RALYL: variants seen among roughly 807,000 people sequenced by gnomAD.
The protein encoded by RALYL is RNA-binding Raly-like protein.
Under a neutral mutation model 35.1 loss-of-function variants are expected in RALYL, and 29 were observed. That is an observed-to-expected ratio of 0.83 (90% CI 0.61 to 1.13). The LOEUF is 1.13. RALYL is among the 50% of genes most tolerant of loss of function. The pLI, the probability that RALYL is intolerant of heterozygous loss-of-function variation, is 0.00. For synonymous variants in RALYL, 120 were observed against 127.6 expected, an observed-to-expected ratio of 0.94 and a Z score of 0.40; for missense variants, 359 against 360.4, an observed-to-expected ratio of 1.00 and a Z score of 0.03.
chr8:84,428,106 T>TCTCTCACACACACA (rs1182382963), intron 1 of RALYL, among the ~76,000 whole-genome samples: 1 of 127,276 alleles, frequency 7.9e-6, no homozygotes, highest in Non-Finnish European at 1.7e-5. Flanking sequence ...TCTCTCTCTC[T>TCTCTCACACACACA]CACACACACA....
At chr8:84,340,285 AG>A (rs1272593991) in intron 1 of RALYL, among the ~76,000 whole-genome samples, 2 of 152,142 alleles carry the variant, frequency 1.3e-5, no homozygotes, top group South Asian at 2.1e-4. Context: ...ACTTAAAAAA[AG>A]TAGTAAGAAC....
At chr8:84,825,671 C>T (rs1027340127) in intron 4 of RALYL, among the ~76,000 whole-genome samples, 6 of 152,010 alleles carry the variant, frequency 3.9e-5, no homozygotes, top group African/African-American at 1.5e-4. Flanking sequence ...AGTTCAAGCC[C>T]AGCCTGGCTA....
chr8:84,629,203 T>A (rs2131214942), intron 2 of RALYL, among the ~76,000 whole-genome samples: 1 of 152,208 alleles, frequency 6.6e-6, no homozygotes, highest in Non-Finnish European at 1.5e-5. Flanking sequence ...CTGTCCTGCC[T>A]TATTGAATGT....
At chr8:84,865,711 C>T (rs2135121159) in intron 6 of RALYL, among the ~76,000 whole-genome samples, 1 of 152,014 alleles carries the variant, frequency 6.6e-6, no homozygotes, top group African/African-American at 2.4e-5. Flanking sequence ...AAAATTGATG[C>T]CCTCTGGAAA....
chr8:84,620,813 G>A (rs951386292), intron 2 of RALYL, among the ~76,000 whole-genome samples: 1 of 152,144 alleles, frequency 6.6e-6, no homozygotes, highest in African/African-American at 2.4e-5. Context: ...CCTTCTAACA[G>A]ACAGGACCCT....
Position 84,521,288 on chromosome 8 carries a change from T to C in RALYL, c.-23-8011T>C, listed in dbSNP as rs186279673. 2.7e-3 allele frequency among the ~76,000 whole-genome samples: 409 copies of C among 152,328 alleles called. 1 individual carries two copies. The highest frequency in any genetic ancestry group is 5.0e-3 in the Non-Finnish European group (340 of 68,028). On this transcript the variant is annotated intron_variant, in intron 1 of 8. Transcript: ENST00000521268. ...AGAGAGCTGTCACCAGAACCCAAAT[T>C]GGCTGTCAGCTTGATCTGGGACTTC...
At chr8:84,652,211 C>T (rs1211403047) in intron 2 of RALYL, among the ~76,000 whole-genome samples, 1 of 152,018 alleles carries the variant, frequency 6.6e-6, no homozygotes, top group Non-Finnish European at 1.5e-5. Context: ...CTTTTGTTAT[C>T]AAACTTAGCA....
At chr8:84,709,470 A>G (rs1841787258) in intron 2 of RALYL, among the ~76,000 whole-genome samples, 3 of 152,138 alleles carry the variant, frequency 2.0e-5, no homozygotes, top group South Asian at 2.1e-4. Flanking sequence ...ATATGCTTTT[A>G]AAGTTCTAAA....
chr8:84,553,628 A>T (rs1231863432), intron 2 of RALYL, among the ~76,000 whole-genome samples: 2 of 152,318 alleles, frequency 1.3e-5, no homozygotes, highest in Middle Eastern at 3.4e-3. Flanking sequence ...AAAATAGCAC[A>T]GTTAAGAATT....
chr8:84,621,497 G>T (rs1009592132), intron 2 of RALYL, among the ~76,000 whole-genome samples: 3 of 152,112 alleles, frequency 2.0e-5, no homozygotes, highest in Non-Finnish European at 4.4e-5. Flanking sequence ...CCCACTGTCT[G>T]GCACTCCCTA....
intron 2 of RALYL, among the ~76,000 whole-genome samples, chr8:84,588,575 TGCTCAGCCAG>T (rs1173836607): frequency 6.6e-6 from 1 of 152,198 alleles, no homozygotes; most frequent in Non-Finnish European, 1.5e-5. Context: ...GAGGGTGTAA[TGCTCAGCCAG>T]TATTAATGCC....
chr8:84,430,658 G>T (rs1321675965), intron 1 of RALYL, among the ~76,000 whole-genome samples: 1 of 151,954 alleles, frequency 6.6e-6, no homozygotes, highest in Non-Finnish European at 1.5e-5. Flanking sequence ...AGACACAGAA[G>T]CACTTTTTAT....
chr8:84,855,813 CTT>C (rs1440594448), intron 5 of RALYL, among the ~76,000 whole-genome samples: 1 of 152,070 alleles, frequency 6.6e-6, no homozygotes, highest in Non-Finnish European at 1.5e-5. Flanking sequence ...GATAAGGAGA[CTT>C]TTATTAACAG....
intron 2 of RALYL, among the ~76,000 whole-genome samples, chr8:84,689,865 A>G (rs1385356109): frequency 6.6e-6 from 1 of 152,116 alleles, no homozygotes; most frequent in African/African-American, 2.4e-5. Flanking sequence ...TTTTGGAATG[A>G]CTATTTTCAA....
chr8:84,800,651 A>AC (rs11411832), intron 3 of RALYL, among the ~76,000 whole-genome samples: 112,181 of 152,004 alleles, frequency 0.74, 41,723 homozygotes, highest in East Asian at 0.87. Context: ...AGATAAAAAA[A>AC]ATTCCTTTCT....
chr8:84,541,997 A>G (rs1484978732), intron 2 of RALYL, among the ~76,000 whole-genome samples: 3 of 151,870 alleles, frequency 2.0e-5, no homozygotes, highest in African/African-American at 7.3e-5. Context: ...CAGTAGGACA[A>G]CCTTTGTTTT....
Position 84,683,612 on chromosome 8 carries a change from C to G in RALYL, c.257-90967C>G, listed in dbSNP as rs148830366. Among the ~76,000 whole-genome samples, 418 of 152,256 alleles carry G rather than the reference C, an allele frequency of 2.7e-3. 2 individuals are homozygous for G. The highest frequency in any genetic ancestry group is 9.6e-3 in the African/African-American group (398 of 41,554). ...CATGGTTAGCACAACTACATCTATA[C>G]AGCACTGGGGCTGAGATTAGACGCT... On this transcript the variant is annotated intron_variant, in intron 2 of 8. Transcript: ENST00000521268.
intron 2 of RALYL, among the ~76,000 whole-genome samples, chr8:84,574,567 AC>A (rs1331392151): frequency 1.3e-5 from 2 of 151,692 alleles, no homozygotes; most frequent in Non-Finnish European, 2.9e-5. Flanking sequence ...TACCTTTCAC[AC>A]CTTTTTTTCA....
chr8:84,186,192 C>G (rs1416212531), intron 1 of RALYL, among the ~76,000 whole-genome samples: 1 of 152,042 alleles, frequency 6.6e-6, no homozygotes, highest in African/African-American at 2.4e-5. Context: ...TATTTGATAT[C>G]TTGAGGTGTA....
Sources: allele counts gnomAD v4.1 joint callset (sites outside exome capture counted in the v4.1 genomes callset), GRCh38; gene constraint gnomAD v4.1.1; transcripts MANE v1.5; gene names NCBI Gene and HGNC (gene_info 2026-07-23, HGNC 2026-07-21).